CACNA2D1: variants seen among roughly 807,000 people sequenced by gnomAD.
The protein encoded by CACNA2D1 is calcium voltage-gated channel auxiliary subunit alpha2delta 1, also known as voltage-dependent calcium channel subunit alpha-2/delta-1.
In CACNA2D1, 53 loss-of-function variants were observed where a neutral mutation model predicts 171.5. The ratio of observed to expected loss-of-function variants is 0.31; its 90% confidence interval spans 0.25 to 0.39. The LOEUF is 0.39. Ranked by LOEUF, CACNA2D1 falls within the 10% of genes least tolerant of loss-of-function variation. The probability of loss-of-function intolerance (pLI) is 1.00; values close to 1 mark genes in which losing one functional copy is unlikely to be tolerated. For synonymous variants in CACNA2D1, 442 were observed against 443.1 expected, an observed-to-expected ratio of 1.00 and a Z score of 0.03; for missense variants, 903 against 1,299.8, an observed-to-expected ratio of 0.69 and a Z score of 4.69.
chr7:82,117,733 A>T (rs143086380), intron 5 of CACNA2D1, among the ~76,000 whole-genome samples: 3,862 of 152,274 alleles, frequency 0.025, 71 homozygotes, highest in Middle Eastern at 0.065. Context: ...GTGAGCCATG[A>T]TCACATCACC....
At chr7:82,148,647 G>GT (rs1332120759) in intron 4 of CACNA2D1, among the ~76,000 whole-genome samples, 3 of 152,030 alleles carry the variant, frequency 2.0e-5, no homozygotes, top group South Asian at 2.1e-4. Flanking sequence ...CTTGTTTTTT[G>GT]TTTTTTTGGA....
intron 1 of CACNA2D1, among the ~76,000 whole-genome samples, chr7:82,389,577 C>G (rs1218226265): frequency 6.6e-6 from 1 of 152,086 alleles, no homozygotes; most frequent in Admixed American, 6.6e-5. Flanking sequence ...AGTCTCCCTG[C>G]CCCCTGACAT....
intron 9 of CACNA2D1, among the ~76,000 whole-genome samples, chr7:82,062,632 G>T (rs1584599627): frequency 6.9e-6 from 1 of 144,104 alleles, no homozygotes; most frequent in African/African-American, 2.6e-5. Context: ...AAGTTTTAGG[G>T]TACATGTGCA....
At chr7:82,392,004 G>A (rs1324640130) in intron 1 of CACNA2D1, among the ~76,000 whole-genome samples, 2 of 152,130 alleles carry the variant, frequency 1.3e-5, no homozygotes, top group Admixed American at 1.3e-4. Context: ...GCAGACAGGG[G>A]CAGGTCCCTG....
intron 37 of CACNA2D1, 23 bp downstream of exon 37, chr7:81,959,697 A>G (rs1219673469): frequency 1.2e-6 from 2 of 1,605,302 alleles, no homozygotes; most frequent in Admixed American, 3.4e-5. Flanking sequence ...TCCTTTCCAG[A>G]TAGCTCTGAT....
intron 5 of CACNA2D1, among the ~76,000 whole-genome samples, 176 bp downstream of exon 5, chr7:82,136,459 G>GTTGTTAAA (rs1791617934): frequency 6.6e-6 from 1 of 151,874 alleles, no homozygotes; most frequent in African/African-American, 2.4e-5. Context: ...AAGATGCCAA[G>GTTGTTAAA]AATAAGTTGT....
chr7:82,025,329 C>T (rs1801747876), intron 12 of CACNA2D1, among the ~76,000 whole-genome samples: 1 of 151,538 alleles, frequency 6.6e-6, no homozygotes, highest in Admixed American at 6.6e-5. Context: ...CACAGTGTTA[C>T]AGTTTTCAGT....
chr7:81,980,922 A>G (rs1381874515), intron 24 of CACNA2D1, among the ~76,000 whole-genome samples: 1 of 152,216 alleles, frequency 6.6e-6, no homozygotes, highest in African/African-American at 2.4e-5. Flanking sequence ...TTTCCAAAGG[A>G]AACAATTATT....
intron 1 of CACNA2D1, among the ~76,000 whole-genome samples, chr7:82,393,071 A>AAGGC (rs1825335926): frequency 8.0e-6 from 1 of 125,268 alleles, no homozygotes; most frequent in Non-Finnish European, 1.6e-5. Context: ...GGAAGGAAGG[A>AAGGC]AGGAAGGAAG....
At chr7:82,105,396 G>GTTTTTTTTT (rs1249656471) in intron 6 of CACNA2D1, among the ~76,000 whole-genome samples, 1 of 61,266 alleles carries the variant, frequency 1.6e-5, no homozygotes, top group Non-Finnish European at 3.5e-5. Flanking sequence ...ACCAGTTTTT[G>GTTTTTTTTT]TCTTTTTTTT....
At chr7:82,060,636 T>G in intron 9 of CACNA2D1, 109 bp from the exon 10 acceptor site, 1 of 572,094 alleles carries the variant, frequency 1.7e-6, no homozygotes, top group Non-Finnish European at 2.9e-6. Flanking sequence ...ATATATTATT[T>G]AAATAATAAT....
intron 25 of CACNA2D1, 150 bp downstream of exon 25, chr7:81,974,305 G>C: frequency 1.9e-6 from 1 of 513,480 alleles, no homozygotes. Flanking sequence ...GCAAAATTAA[G>C]GATCAAATTG....
At chr7:82,030,705 A>G (rs1357929064) in intron 12 of CACNA2D1, among the ~76,000 whole-genome samples, 1 of 151,906 alleles carries the variant, frequency 6.6e-6, no homozygotes, top group East Asian at 1.9e-4. Context: ...TTAAAATGAT[A>G]TAAGTAGTGG....
chr7:82,335,737 A>T (rs193295644), intron 2 of CACNA2D1, among the ~76,000 whole-genome samples: 1 of 152,316 alleles, frequency 6.6e-6, no homozygotes. Flanking sequence ...AGATAACAAG[A>T]GGAGCTTAGG....
chr7:82,009,728 G>T (rs1015102306), intron 15 of CACNA2D1, among the ~76,000 whole-genome samples: 1 of 151,772 alleles, frequency 6.6e-6, no homozygotes, highest in African/African-American at 2.4e-5. Context: ...GAACTCATTT[G>T]GGCCCAACTT....
rs1794978694 is a variant in CACNA2D1, at chr7:81,968,874, T to TC, written c.2395+12_2395+13insG. On this transcript the variant is annotated intron_variant, in intron 29 of 38. Transcript: ENST00000356860. The stretch of plus-strand genomic sequence containing the variant: ...ATTTTGATTGTGTTTTTGTATTTAA[T>TC]ATTTATCCTTACCTGCAGGTTTAAG... 1 of 1,287,218 alleles carries TC rather than the reference T, an allele frequency of 7.8e-7. No individual in the cohort carries two copies. The highest frequency in any genetic ancestry group is 1.7e-5 in the Admixed American group (1 of 59,188). The allele number at this position is 1,287,218 out of a possible 1,614,324, so 79.7% of individuals were successfully genotyped here.
At position 81,970,641 on chromosome 7, in the gene CACNA2D1, T is replaced by C. The variant is rs188783630; in HGVS notation, c.2204+34A>G. 9 of 1,155,852 alleles carry C rather than the reference T, an allele frequency of 7.8e-6. No individual in the cohort carries two copies. The African/African-American group carries it at 1.4e-4, about 17-fold the overall frequency. 71.6% of individuals were successfully genotyped at this position (1,155,852 alleles called of 1,614,324 possible). On this transcript the variant is annotated intron_variant, in intron 27 of 38. Coordinates refer to ENST00000356860, the MANE Select transcript of CACNA2D1 (RefSeq NM_000722.4). Reference sequence around the variant, plus strand: ...AAATCCTTGGCGCAGTCTTTTGTAATGTACTTGTTTTTACAGATGTTATTT... The same window carrying C: ...AAATCCTTGGCGCAGTCTTTTGTAACGTACTTGTTTTTACAGATGTTATTT...
chr7:82,014,927 TG>T, intron 12 of CACNA2D1, among the ~76,000 whole-genome samples: 1 of 151,986 alleles, frequency 6.6e-6, no homozygotes, highest in Non-Finnish European at 1.5e-5. Flanking sequence ...TTATGGTGGG[TG>T]CCTGTAATCC....
chr7:81,970,385 T>A (rs939399180), intron 27 of CACNA2D1, among the ~76,000 whole-genome samples: 14 of 151,468 alleles, frequency 9.2e-5, no homozygotes, highest in Non-Finnish European at 4.4e-5. Context: ...AATCATTGTG[T>A]TCATTTCACT....
Sources: gnomAD v4.1 joint callset for allele counts (sites outside exome capture counted in the v4.1 genomes callset) on GRCh38, gnomAD v4.1.1 for gene constraint, MANE v1.5 for transcripts, NCBI Gene and HGNC (gene_info 2026-07-23, HGNC 2026-07-21) for gene names.